SLC36A1: variants seen among roughly 807,000 people sequenced by gnomAD.
SLC36A1 encodes proton-coupled amino acid transporter 1.
A neutral mutation model predicts 47.5 loss-of-function variants in SLC36A1; 30 were observed. The observed-to-expected ratio is 0.63, with a 90% confidence interval of 0.47 to 0.86. The LOEUF is 0.86. Among genes scored for constraint, SLC36A1 ranks in the 40% least tolerant of loss-of-function variants. The pLI, the probability that SLC36A1 is intolerant of heterozygous loss-of-function variation, is 0.00. For synonymous variants in SLC36A1, 255 were observed against 249.7 expected (o/e 1.02, Z -0.20); for missense variants, 517 against 606.0 (o/e 0.85, Z 1.54).
At chr5:151,552,727 G>A in the SLC36A1 span, among the ~76,000 whole-genome samples, 4 of 152,182 alleles carry the variant, frequency 2.6e-5, no homozygotes, top group South Asian at 2.1e-4. Context: ...CAAGTGCCTC[G>A]TAGAATGAGA....
At chr5:151,411,826 A>G in the SLC36A1 span, among the ~76,000 whole-genome samples, 1 of 144,142 alleles carries the variant, frequency 6.9e-6, no homozygotes, top group Admixed American at 6.9e-5. Flanking sequence ...AACCAAACCA[A>G]ACCTCCTTCA....
At chr5:151,454,227 G>A (rs995088293) in intron 1 of SLC36A1, among the ~76,000 whole-genome samples, 11 of 151,560 alleles carry the variant, frequency 7.3e-5, no homozygotes, top group African/African-American at 2.7e-4. Flanking sequence ...GGACAAGCTT[G>A]CCTTCAACTC....
the SLC36A1 span, among the ~76,000 whole-genome samples, chr5:151,500,161 G>A: frequency 6.6e-6 from 1 of 152,072 alleles, no homozygotes; most frequent in African/African-American, 2.4e-5. Flanking sequence ...TCAGTCCCCT[G>A]TATTTGTAAT....
chr5:151,391,332 T>A, the SLC36A1 span, among the ~76,000 whole-genome samples: 62 of 152,166 alleles, frequency 4.1e-4, no homozygotes, highest in Admixed American at 8.5e-4. Flanking sequence ...AAATACACAA[T>A]CATGTCATCT....
At chr5:151,430,657 T>G in the SLC36A1 span, among the ~76,000 whole-genome samples, 1 of 152,214 alleles carries the variant, frequency 6.6e-6, no homozygotes, top group Admixed American at 6.5e-5. Flanking sequence ...GAACAGTTAC[T>G]GTGTGCCAGG....
the SLC36A1 span, among the ~76,000 whole-genome samples, chr5:151,408,746 G>C: frequency 2.0e-5 from 3 of 152,266 alleles, no homozygotes; most frequent in East Asian, 5.8e-4. Context: ...GGAGTCTGAC[G>C]AGGACTGACA....
At chr5:151,533,000 G>A in the SLC36A1 span, among the ~76,000 whole-genome samples, 100 of 152,286 alleles carry the variant, frequency 6.6e-4, no homozygotes, top group African/African-American at 2.3e-3. Flanking sequence ...AGAGATGCTG[G>A]TCAAACCACA....
At chr5:151,442,442 G>T (rs993351553) in intron 1 of SLC36A1, among the ~76,000 whole-genome samples, 1 of 152,176 alleles carries the variant, frequency 6.6e-6, no homozygotes, top group East Asian at 1.9e-4. Context: ...AATGTACAGC[G>T]ATTACATCAG....
chr5:151,473,613 T>C, intron 7 of SLC36A1, 60 bp from the exon 8 acceptor site: 1 of 1,128,860 alleles, frequency 8.9e-7, no homozygotes, highest in East Asian at 2.4e-5. Flanking sequence ...AGAGTTCAAA[T>C]CTTGAATTTC....
chr5:151,504,444 AC>A, the SLC36A1 span: 1 of 152,688 alleles, frequency 6.5e-6, no homozygotes, highest in African/African-American at 2.4e-5. Context: ...ATGGGCACCC[AC>A]ATGTGTAGAC....
the SLC36A1 span, among the ~76,000 whole-genome samples, chr5:151,365,187 G>A: frequency 6.3e-3 from 967 of 152,292 alleles, 8 homozygotes; most frequent in African/African-American, 0.022. Flanking sequence ...AGAAGGCAAT[G>A]ATGGGACATT....
At chr5:151,553,077 C>T in the SLC36A1 span, 88 of 1,251,626 alleles carry the variant, frequency 7.0e-5, no homozygotes, top group Admixed American at 1.3e-4. Context: ...CCGAGGAGCC[C>T]GACCTTGAGA....
At chr5:151,345,419 C>T in the SLC36A1 span, among the ~76,000 whole-genome samples, 1 of 152,278 alleles carries the variant, frequency 6.6e-6, no homozygotes, top group Non-Finnish European at 1.5e-5. Flanking sequence ...AGGAGTGATG[C>T]TATTTTTAAA....
At chr5:151,480,085 T>G in intron 10 of SLC36A1, 1 of 1,501,656 alleles carries the variant, frequency 6.7e-7, no homozygotes, top group African/African-American at 1.4e-5. Context: ...AGGATACCCT[T>G]CTGTTTGCTG....
chr5:151,552,647 C>T, the SLC36A1 span, among the ~76,000 whole-genome samples: 1 of 152,176 alleles, frequency 6.6e-6, no homozygotes, highest in African/African-American at 2.4e-5. Flanking sequence ...CTGTGACCCC[C>T]AGATGTTGAA....
At chr5:151,518,120 CAG>C in the SLC36A1 span, among the ~76,000 whole-genome samples, 1 of 152,080 alleles carries the variant, frequency 6.6e-6, no homozygotes. Context: ...CACCTGAACC[CAG>C]AAGTTCGAGA....
the SLC36A1 span, chr5:151,521,930 C>A: frequency 1.2e-6 from 2 of 1,614,138 alleles, no homozygotes; most frequent in South Asian, 1.1e-5. Flanking sequence ...CGGTCTGTGG[C>A]ATGGATCTTA....
intron 4 of SLC36A1, among the ~76,000 whole-genome samples, chr5:151,464,824 T>C (rs1249938913): frequency 2.0e-5 from 3 of 152,242 alleles, no homozygotes; most frequent in Non-Finnish European, 4.4e-5. Flanking sequence ...TACTACATTC[T>C]AATTTCATGG....
intron 1 of SLC36A1, among the ~76,000 whole-genome samples, chr5:151,450,671 A>G (rs1753520082): frequency 6.6e-6 from 1 of 152,108 alleles, no homozygotes; most frequent in Non-Finnish European, 1.5e-5. Context: ...AACTATTCTC[A>G]TATTAAGTAC....
Sources: gnomAD v4.1 joint callset for allele counts (sites outside exome capture counted in the v4.1 genomes callset) on GRCh38, gnomAD v4.1.1 for gene constraint, MANE v1.5 for transcripts, NCBI Gene and HGNC (gene_info 2026-07-23, HGNC 2026-07-21) for gene names.